The following CBX1 variants were observed in gnomAD, a reference collection of about 807,000 sequenced individuals.
The protein encoded by CBX1 is chromobox 1, also known as chromobox protein homolog 1.
Under a neutral mutation model 25.1 loss-of-function variants are expected in CBX1, and 10 were observed. That is an observed-to-expected ratio of 0.40 (90% CI 0.25 to 0.68). CBX1 has a LOEUF of 0.68. CBX1 is among the 30% of genes least tolerant of loss of function. CBX1 has a pLI of 0.40. For missense variants in CBX1, 106 were observed against 218.5 expected, an observed-to-expected ratio of 0.49 and a Z score of 3.25; for synonymous variants, 63 against 79.4, an observed-to-expected ratio of 0.79 and a Z score of 1.10.
chr17:48,086,843 T>C (rs192891707), intron 1 of CBX1, among the ~76,000 whole-genome samples: 16 of 151,456 alleles, frequency 1.1e-4, no homozygotes, highest in African/African-American at 2.2e-4. Flanking sequence ...GCCTGGGCTA[T>C]AGAGTGAGAC....
At chr17:48,073,418 C>T (rs1019632409) in intron 4 of CBX1, among the ~76,000 whole-genome samples, 10 of 152,174 alleles carry the variant, frequency 6.6e-5, no homozygotes, top group Admixed American at 4.6e-4. Flanking sequence ...TTAGTCATTT[C>T]ACTCCCCAGA....
chr17:48,071,346 C>T lies in CBX1; in HGVS notation c.*89G>A, dbSNP rs1402965965. 8 of 1,339,348 alleles carry T rather than the reference C, an allele frequency of 6.0e-6. No individual in the cohort carries two copies. The African/African-American group carries it at 1.2e-4, about 20-fold the overall frequency. 83.0% of individuals were successfully genotyped at this position (1,339,348 alleles called of 1,614,324 possible). ...CTCTTCAAAGGACATCTTCTCAAGC[C>T]ACCTCTATGGTGTCAAGACAAGTAG... On this transcript the variant is annotated 3_prime_UTR_variant, in exon 5 of 5. Transcript: ENST00000225603.
intron 1 of CBX1, among the ~76,000 whole-genome samples, chr17:48,091,560 T>TTTTTA (rs2063344066): frequency 2.1e-5 from 2 of 94,842 alleles, no homozygotes; most frequent in African/African-American, 6.9e-5. Flanking sequence ...TTTTTTTTTT[T>TTTTTA]GAGACAGAGT....
In CBX1 at chr17:48,076,244, C is replaced by T. The variant is rs2037673712; in HGVS notation, c.141-66G>A. 8 of 1,256,590 alleles carry T rather than the reference C, an allele frequency of 6.4e-6. No homozygotes were observed. The South Asian group carries it at 6.9e-5, about 11-fold the overall frequency. 77.8% of individuals were successfully genotyped at this position (1,256,590 alleles called of 1,614,324 possible). On this transcript the variant is annotated intron_variant, in intron 2 of 4. Coordinates refer to ENST00000225603, the MANE Select transcript of CBX1 (RefSeq NM_001127228.2). ...TAAGTATACTCATACTAAGGATAAT[C>T]GTAAGAGGACAAGACCTCAGATGTC...
intron 1 of CBX1, among the ~76,000 whole-genome samples, chr17:48,090,801 T>G (rs2063340330): frequency 6.6e-6 from 1 of 152,210 alleles, no homozygotes; most frequent in African/African-American, 2.4e-5. Flanking sequence ...ATGAACATGC[T>G]CCTATTGTAT....
At chr17:48,089,730 G>A (rs1035184103) in intron 1 of CBX1, among the ~76,000 whole-genome samples, 2 of 148,788 alleles carry the variant, frequency 1.3e-5, no homozygotes, top group African/African-American at 2.5e-5. Flanking sequence ...GGCTGAGGCA[G>A]GAGAATCACT....
In CBX1 at chr17:48,100,137, C is replaced by CAA. The variant is rs543123998; in HGVS notation, c.-38+1129_-38+1130dup. The stretch of plus-strand genomic sequence containing the variant: ...CTGGGCAACAGAGGAAGACTCTTCT[C>CAA]AAAAAAAAAAAAAAAAAGAGGTAAA... On this transcript the variant is annotated intron_variant, in intron 1 of 4. Transcript: ENST00000225603. 2.1e-4 allele frequency among the ~76,000 whole-genome samples: 12 copies of CAA among 56,892 alleles called. 1 individual carries two copies. Among genetic ancestry groups the CAA allele is most frequent in the African/African-American group, 4.7e-4 (8 of 16,870 alleles). The allele number at this position is 56,892 out of a possible 152,430, so 37.3% of individuals were successfully genotyped here.
intron 1 of CBX1, among the ~76,000 whole-genome samples, chr17:48,092,394 T>C (rs1455224259): frequency 6.6e-6 from 1 of 150,648 alleles, no homozygotes; most frequent in African/African-American, 2.4e-5. Context: ...AAGGCAAGGG[T>C]TGTGGAGTGG....
intron 1 of CBX1, among the ~76,000 whole-genome samples, chr17:48,095,119 T>G (rs2063366866): frequency 6.6e-6 from 1 of 152,140 alleles, no homozygotes; most frequent in Admixed American, 6.6e-5. Context: ...CTATCCATTC[T>G]TCAAGACCCA....
intron 1 of CBX1, chr17:48,100,879 G>A: frequency 1.0e-6 from 1 of 985,688 alleles, no homozygotes. Context: ...CAAACCTCGG[G>A]TTGTGCGGTC....
rs71141963 is a variant in CBX1 at position 48,087,188 on chromosome 17, CAA to C, written c.-37-10149_-37-10148del. 5.4e-3 allele frequency among the ~76,000 whole-genome samples: 776 copies of C among 143,756 alleles called. 9 individuals are homozygous for C. The highest frequency in any genetic ancestry group is 0.017 in the African/African-American group (654 of 39,212). 94.3% of individuals were successfully genotyped at this position (143,756 alleles called of 152,430 possible). On this transcript the variant is annotated intron_variant, in intron 1 of 4. Coordinates refer to ENST00000225603, the MANE Select transcript of CBX1 (RefSeq NM_001127228.2). ...TGGGCAACAGAGTAAGACGCCATCT[CAA>C]AAAAAAAAAAAGAAAAGAATTCAGA...
In CBX1 at chr17:48,076,856, GAA is replaced by G. The variant is rs764617394; in HGVS notation, c.140+7_140+8del. 8 of 1,607,076 alleles carry G rather than the reference GAA, an allele frequency of 5.0e-6. No individual in the cohort carries two copies. In the East Asian group the frequency reaches 1.8e-4, roughly 36 times the overall value. The stretch of plus-strand genomic sequence containing the variant: ...GGTGGCTACATTTACCTGTGTCAGT[GAA>G]ACTTACTCTGAGAATCCCTTCCACT... On this transcript the variant is annotated splice_region_variant and intron_variant, in intron 2 of 4. Coordinates refer to ENST00000225603, the MANE Select transcript of CBX1 (RefSeq NM_001127228.2).
chr17:48,080,978 AT>A (rs2037731980), intron 1 of CBX1, among the ~76,000 whole-genome samples: 1 of 87,898 alleles, frequency 1.1e-5, no homozygotes, highest in African/African-American at 4.9e-5. Context: ...ATATATATAT[AT>A]ATATATATAT....
At chr17:48,075,794 T>G (rs2037669817) in intron 3 of CBX1, among the ~76,000 whole-genome samples, 1 of 152,194 alleles carries the variant, frequency 6.6e-6, no homozygotes, top group African/African-American at 2.4e-5. Context: ...CCCAGCAAGT[T>G]TTCCATTTAC....
At chr17:48,087,369 T>C (rs1048161711) in intron 1 of CBX1, among the ~76,000 whole-genome samples, 1 of 149,626 alleles carries the variant, frequency 6.7e-6, no homozygotes, top group Non-Finnish European at 1.5e-5. Flanking sequence ...AGGTCAGGAG[T>C]TGAGATCGGC....
chr17:48,098,379 A>C (rs2063387822), intron 1 of CBX1, among the ~76,000 whole-genome samples: 1 of 152,332 alleles, frequency 6.6e-6, no homozygotes, highest in Admixed American at 6.5e-5. Flanking sequence ...TATGCACATT[A>C]ATTTGGCTGA....
At chr17:48,099,502 A>G (rs1483193983) in intron 1 of CBX1, among the ~76,000 whole-genome samples, 1 of 151,914 alleles carries the variant, frequency 6.6e-6, no homozygotes, top group Admixed American at 6.6e-5. Context: ...CAGGTCCTCC[A>G]CTCCCGTGAA....
intron 1 of CBX1, among the ~76,000 whole-genome samples, chr17:48,082,307 C>T (rs777951128): frequency 6.6e-6 from 1 of 151,810 alleles, no homozygotes; most frequent in Admixed American, 6.6e-5. Flanking sequence ...TCGAGCCCAT[C>T]CTGGCTAACA....
intron 1 of CBX1, among the ~76,000 whole-genome samples, chr17:48,097,169 A>T (rs2063379876): frequency 6.6e-6 from 1 of 151,656 alleles, no homozygotes. Context: ...CAGGAGAATC[A>T]CTTGAACCGA....
Sources: gnomAD v4.1 joint callset for allele counts (sites outside exome capture counted in the v4.1 genomes callset) on GRCh38, gnomAD v4.1.1 for gene constraint, MANE v1.5 for transcripts, NCBI Gene and HGNC (gene_info 2026-07-23, HGNC 2026-07-21) for gene names.